SMOC2: variants seen among roughly 807,000 people sequenced by gnomAD.
SMOC2 encodes SPARC-related modular calcium-binding protein 2.
In SMOC2, 39 loss-of-function variants were observed where a neutral mutation model predicts 61.4. The observed-to-expected ratio is 0.64, with a 90% CI of 0.49 to 0.83. SMOC2 has a LOEUF of 0.83. Among genes scored for constraint, SMOC2 ranks in the 40% least tolerant of loss-of-function variants. The pLI is 0.00. For synonymous variants in SMOC2, 247 were observed against 239.9 expected (o/e 1.03, Z -0.27); for missense variants, 556 against 592.9 (o/e 0.94, Z 0.65).
intron 1 of SMOC2, among the ~76,000 whole-genome samples, chr6:168,507,934 T>G (rs1249969903): frequency 1.3e-5 from 2 of 152,216 alleles, no homozygotes; most frequent in African/African-American, 2.4e-5. Flanking sequence ...GGCTCCAGCC[T>G]TCATCCCCAC....
intron 8 of SMOC2, 43 bp from the exon 9 acceptor site, chr6:168,608,114 C>T (rs372552733): frequency 4.1e-5 from 65 of 1,568,656 alleles, no homozygotes; most frequent in South Asian, 1.0e-4. Flanking sequence ...GTCTCAAGCC[C>T]GTTGTTTTCT....
intron 7 of SMOC2, among the ~76,000 whole-genome samples, chr6:168,579,376 G>A (rs9455664): frequency 0.019 from 2,876 of 152,320 alleles, 107 homozygotes; most frequent in African/African-American, 0.065. Context: ...GATTGTCAGC[G>A]TCGCTTTTAT....
chr6:168,478,957 C>T (rs528545406), intron 1 of SMOC2, among the ~76,000 whole-genome samples: 7 of 151,256 alleles, frequency 4.6e-5, no homozygotes, highest in African/African-American at 1.2e-4. Context: ...GAGTCAGGAA[C>T]GTTGAATGAT....
intron 1 of SMOC2, among the ~76,000 whole-genome samples, chr6:168,496,759 G>A (rs143372239): frequency 1.3e-5 from 2 of 152,336 alleles, no homozygotes; most frequent in Non-Finnish European, 2.9e-5. Context: ...GCACCTCAGC[G>A]TGGGGACCCT....
intron 11 of SMOC2, chr6:168,655,636 A>G: frequency 3.0e-6 from 1 of 332,644 alleles, no homozygotes; most frequent in Non-Finnish European, 6.0e-6. Flanking sequence ...ATCCCCTCAC[A>G]CGTGTGTGCT....
intron 1 of SMOC2, among the ~76,000 whole-genome samples, chr6:168,506,514 T>C (rs1782874471): frequency 6.6e-6 from 1 of 152,244 alleles, no homozygotes; most frequent in Admixed American, 6.5e-5. Context: ...GTTTTTGTTT[T>C]AATCTTTTTC....
chr6:168,657,838 A>G (rs1787365435), intron 11 of SMOC2, among the ~76,000 whole-genome samples: 1 of 152,088 alleles, frequency 6.6e-6, no homozygotes, highest in Admixed American at 6.6e-5. Flanking sequence ...CTCCCAATAT[A>G]ATGGCATTCA....
In SMOC2 at chr6:168,525,723, T is replaced by C. The variant is rs536470377; in HGVS notation, c.257-623T>C. 7.9e-5 allele frequency among the ~76,000 whole-genome samples: 12 copies of C among 152,144 alleles called. No individual in the cohort carries two copies. In the Middle Eastern group the frequency reaches 0.014, roughly 172 times the overall value. ...TATCCACCTGACAGTCAGATTTCCA[T>C]GTGAAGGTGGAAGAGGCAGGACGGG... On this transcript the variant is annotated intron_variant, in intron 2 of 12. Transcript: ENST00000356284.
chr6:168,445,343 G>A (rs1330188611), intron 1 of SMOC2, among the ~76,000 whole-genome samples: 1 of 152,140 alleles, frequency 6.6e-6, no homozygotes, highest in African/African-American at 2.4e-5. Context: ...TGGTCTTGTG[G>A]AATGCATGAC....
intron 1 of SMOC2, among the ~76,000 whole-genome samples, chr6:168,469,233 G>T (rs974675667): frequency 2.0e-5 from 3 of 152,230 alleles, no homozygotes; most frequent in African/African-American, 7.2e-5. Context: ...TCCTTCCAGG[G>T]CCTTGCCACT....
chr6:168,563,287 A>ATG (rs10560357), intron 7 of SMOC2, among the ~76,000 whole-genome samples: 3 of 151,606 alleles, frequency 2.0e-5, no homozygotes, highest in Admixed American at 6.6e-5. Flanking sequence ...TGTAAGTTTT[A>ATG]TGTGTGTGTG....
chr6:168,655,358 AC>A (rs1017823831), intron 11 of SMOC2: 5 of 455,444 alleles, frequency 1.1e-5, no homozygotes, highest in African/African-American at 1.0e-4. Context: ...AATTGAAAAT[AC>A]TTTTTTTTGT....
intron 4 of SMOC2, among the ~76,000 whole-genome samples, chr6:168,536,278 T>C (rs1231489404): frequency 6.6e-6 from 1 of 152,128 alleles, no homozygotes; most frequent in Non-Finnish European, 1.5e-5. Context: ...TGGGGGAGCC[T>C]GTGGCTGCCA....
rs1784167168 is a variant in SMOC2, at chr6:168,553,081, T to C, written c.637+3878T>C. ...CAAACAAAATAACCAAATTAATACA[T>C]AACTGGAAAAGAGAGAATCTAGGCA... On this transcript the variant is annotated intron_variant, in intron 7 of 12. Coordinates refer to ENST00000356284, the MANE Select transcript of SMOC2 (RefSeq NM_001166412.2). This position sits in a 1 kb window ranked among gnomAD's most constrained non-coding sequence, Gnocchi z 4.2. Among the ~76,000 whole-genome samples, 1 of 152,126 alleles carries C rather than the reference T, an allele frequency of 6.6e-6. No homozygotes were observed. The highest frequency in any genetic ancestry group is 1.5e-5 in the Non-Finnish European group (1 of 68,004).
rs529459047 is a variant in SMOC2 at position 168,653,223 on chromosome 6, G to A, written c.1280G>A (p.Arg427His). The A allele has an allele frequency of 8.7e-6, 14 of 1,612,172 alleles. No homozygotes were observed. Among genetic ancestry groups the A allele is most frequent in the Admixed American group, 6.7e-5 (4 of 59,732 alleles). ...GACGGCAAAGCGGACACCAAGAAAC[G>A]CCACAGTAAGAGCTTTCCCACCCCC... ...KEDGKADTKKRHTPRGHAEST... is the reference protein window; with the variant it reads ...KEDGKADTKKHHTPRGHAEST... Residue 427 changes from arginine (R) to histidine (H), a missense_variant, in exon 11 of 13, where the codon CGC becomes CAC. Arg to His is a conservative substitution (Grantham distance 29). Coordinates refer to ENST00000356284, the MANE Select transcript of SMOC2 (RefSeq NM_001166412.2).
In SMOC2 at chr6:168,441,434, CAGA is replaced by C. The variant is rs1781203838; in HGVS notation, c.67_69del (p.Lys23del). The C allele has an allele frequency of 4.0e-6, 6 of 1,509,316 alleles. No individual in the cohort carries two copies. The highest frequency in any genetic ancestry group is 4.4e-6 in the Non-Finnish European group (5 of 1,132,790). The allele number at this position is 1,509,316 out of a possible 1,614,324, so 93.5% of individuals were successfully genotyped here. On this transcript the variant is annotated inframe_deletion, in exon 1 of 13. Transcript: ENST00000356284. ...TGGGCTGCTCCCGCCGGTGCCCGCT[CAGA>C]AGTTCTCGGCGCTCACGGTAAGCCC...
chr6:168,651,407 C>T (rs1787188232), intron 10 of SMOC2, among the ~76,000 whole-genome samples: 1 of 152,118 alleles, frequency 6.6e-6, no homozygotes, highest in Non-Finnish European at 1.5e-5. Context: ...TCCTCTTTTC[C>T]ACCCTCTGTA....
intron 3 of SMOC2, 86 bp from the exon 4 acceptor site, chr6:168,527,541 TG>T (rs1783483022): frequency 1.8e-5 from 17 of 940,288 alleles, no homozygotes; most frequent in African/African-American, 1.5e-4. Flanking sequence ...TCTGAGCCAC[TG>T]CCGCAGAAAG....
chr6:168,652,803 A>T, intron 10 of SMOC2, 151 bp from the exon 11 acceptor site: 1 of 600,988 alleles, frequency 1.7e-6, no homozygotes, highest in Non-Finnish European at 2.8e-6. Context: ...TTATTTCTTT[A>T]AATTGTTATA....
Sources: gnomAD v4.1 joint callset for allele counts (sites outside exome capture counted in the v4.1 genomes callset) on GRCh38, gnomAD v4.1.1 for gene constraint, Gnocchi (gnomAD v3.1) non-coding constraint, MANE v1.5 for transcripts, NCBI Gene and HGNC (gene_info 2026-07-23, HGNC 2026-07-21) for gene names.